Variants in KRABD4 observed in about 807,000 individuals in gnomAD.
KRABD4 encodes KRAB domain containing 4.
At chrX:46,457,032 G>A in the KRABD4 span, 19 of 326,678 alleles carry the variant, frequency 5.8e-5, no homozygotes, top group Middle Eastern at 1.3e-3. Context: ...TGTATCCCAG[G>A]TATTTTGGTA....
At chrX:46,455,576 TTC>T in the KRABD4 span, 1 of 429,421 alleles carries the variant, frequency 2.3e-6, no homozygotes, top group Non-Finnish European at 4.3e-6. Flanking sequence ...TTAATTTCTG[TTC>T]TAGGATTTGA....
At chrX:46,448,872 G>A in the KRABD4 span, among the ~76,000 whole-genome samples, 1 of 112,437 alleles carries the variant, frequency 8.9e-6, no homozygotes, top group Admixed American at 9.3e-5. Context: ...GCTTCCAGGG[G>A]AAATGCTGAG....
the KRABD4 span, among the ~76,000 whole-genome samples, chrX:46,465,608 G>T: frequency 8.9e-6 from 1 of 112,253 alleles, no homozygotes; most frequent in African/African-American, 3.2e-5. Flanking sequence ...CATAAAAACA[G>T]TTTTTTTTAA....
chrX:46,467,324 G>A, the KRABD4 span, among the ~76,000 whole-genome samples: 4 of 111,333 alleles, frequency 3.6e-5, no homozygotes, highest in East Asian at 2.8e-4. Flanking sequence ...AGGCCAAGGC[G>A]AGCAGATTAC....
the KRABD4 span, among the ~76,000 whole-genome samples, chrX:46,464,614 T>A: frequency 2.7e-5 from 3 of 112,162 alleles, no homozygotes; most frequent in Non-Finnish European, 3.8e-5. Flanking sequence ...TGGGTGATGA[T>A]AACCTCTTTG....
At chrX:46,450,745 C>G in the KRABD4 span, among the ~76,000 whole-genome samples, 1 of 102,992 alleles carries the variant, frequency 9.7e-6, no homozygotes, top group Non-Finnish European at 2.0e-5. Flanking sequence ...CTCTATCACC[C>G]AGGCTGGAGT....
the KRABD4 span, among the ~76,000 whole-genome samples, chrX:46,448,906 G>A: frequency 8.9e-6 from 1 of 112,371 alleles, no homozygotes; most frequent in Non-Finnish European, 1.9e-5. Flanking sequence ...TGACCAAAGT[G>A]CAGAAAATAT....
the KRABD4 span, among the ~76,000 whole-genome samples, chrX:46,469,862 A>T: frequency 5.4e-5 from 6 of 111,271 alleles, no homozygotes; most frequent in African/African-American, 2.0e-4. Flanking sequence ...TAGGTTGAGG[A>T]TATTTCCTTC....
chrX:46,457,197 A>G, the KRABD4 span: 33 of 239,316 alleles, frequency 1.4e-4, no homozygotes, highest in Non-Finnish European at 2.3e-4. Context: ...CTCCAATGTC[A>G]TCCTTCTCTG....
At chrX:46,474,151 G>A in the KRABD4 span, 2 of 111,764 alleles carry the variant, frequency 1.8e-5, no homozygotes, top group African/African-American at 3.3e-5. Flanking sequence ...GTTATAAAGT[G>A]CTTCCTTAAA....
At chrX:46,468,151 T>C in the KRABD4 span, among the ~76,000 whole-genome samples, 26 of 111,923 alleles carry the variant, frequency 2.3e-4, no homozygotes, top group Non-Finnish European at 4.3e-4. Context: ...TTTTTACATA[T>C]GCATTTCCAA....
the KRABD4 span, chrX:46,457,206 T>C: frequency 4.3e-6 from 1 of 234,225 alleles, no homozygotes. Flanking sequence ...CATCCTTCTC[T>C]GCCATGCCAC....
the KRABD4 span, chrX:46,456,067 GC>G: frequency 2.8e-6 from 1 of 354,782 alleles, no homozygotes. Flanking sequence ...TAAGTCCAAG[GC>G]CCAGCTCCTT....
At chrX:46,465,697 C>G in the KRABD4 span, among the ~76,000 whole-genome samples, 2 of 111,808 alleles carry the variant, frequency 1.8e-5, no homozygotes, top group Non-Finnish European at 3.8e-5. Context: ...AGGCCCCACT[C>G]TAGAAATTGT....
the KRABD4 span, among the ~76,000 whole-genome samples, chrX:46,459,461 A>C: frequency 1.8e-5 from 2 of 111,672 alleles, no homozygotes; most frequent in African/African-American, 6.5e-5. Flanking sequence ...CTTATCTATC[A>C]TTTTTATGGT....
At chrX:46,471,092 A>G in the KRABD4 span, 4 of 1,140,950 alleles carry the variant, frequency 3.5e-6, no homozygotes, top group Non-Finnish European at 4.7e-6. Context: ...ATTGAGAGAA[A>G]GTGTTGAAGT....
the KRABD4 span, among the ~76,000 whole-genome samples, chrX:46,459,640 C>T: frequency 9.0e-6 from 1 of 111,498 alleles, no homozygotes; most frequent in Non-Finnish European, 1.9e-5. Flanking sequence ...ATGAAGTAAC[C>T]TCTGACACTG....
the KRABD4 span, chrX:46,463,094 T>C: frequency 1.0e-6 from 1 of 966,673 alleles, no homozygotes; most frequent in South Asian, 2.2e-5. Flanking sequence ...GAGGGGCAGA[T>C]AGCTGTGTGC....
chrX:46,472,747 TAG>T, the KRABD4 span: 1 of 1,207,700 alleles, frequency 8.3e-7, no homozygotes, highest in East Asian at 3.0e-5. Flanking sequence ...CATTTTCTTC[TAG>T]AAGTCTGGCA....
Sources: gnomAD v4.1 joint callset for allele counts (sites outside exome capture counted in the v4.1 genomes callset) on GRCh38, gnomAD v4.1.1 for gene constraint, MANE v1.5 for transcripts, NCBI Gene and HGNC (gene_info 2026-07-23, HGNC 2026-07-21) for gene names.